PCLO: variants seen among roughly 807,000 people sequenced by gnomAD.
PCLO encodes piccolo presynaptic cytomatrix protein.
A neutral mutation model predicts 427.5 loss-of-function variants in PCLO; 82 were observed. The observed-to-expected ratio is 0.19, with a 90% CI of 0.16 to 0.23. PCLO has a LOEUF of 0.23. Ranked by LOEUF, PCLO falls within the 10% of genes least tolerant of loss-of-function variation. The pLI is 1.00. For missense variants in PCLO, 6,239 were observed against 6,115.9 expected, an observed-to-expected ratio of 1.02 and a Z score of -0.67; for synonymous variants, 2,357 against 2,155.4, an observed-to-expected ratio of 1.09 and a Z score of -2.59.
rs374216871 is a variant in PCLO at position 82,870,331 on chromosome 7, CG to C, written c.13654+9005del. ...TTTCAACAAAGGCACAAAGAATATA[CG>C]CTGGCAAAAGGATAGTCTTTTTAAG... is the stretch of plus-strand genomic sequence containing the variant. On this transcript the variant is annotated intron_variant, in intron 10 of 24. Coordinates refer to ENST00000333891, the MANE Select transcript of PCLO (RefSeq NM_033026.6). Among the ~76,000 whole-genome samples, 579 of 152,000 alleles carry C rather than the reference CG, an allele frequency of 3.8e-3. 7 individuals carry two copies. Among genetic ancestry groups the C allele is most frequent in the African/African-American group, 0.013 (549 of 41,528 alleles).
At chr7:82,852,649 A>C (rs1347229758) in intron 10 of PCLO, among the ~76,000 whole-genome samples, 1 of 152,120 alleles carries the variant, frequency 6.6e-6, no homozygotes, top group African/African-American at 2.4e-5. Context: ...CTCAACTTGC[A>C]GATGGCCTAT....
In PCLO at chr7:82,952,450, G is replaced by A; in HGVS notation, c.8503C>T (p.Pro2835Ser). The part of the protein sequence containing the change: ...QLTTSKHAEP[P>S]YRIPSDQVFP... ...ACCTGGTCACTTGGTATCCTGTATG[G>A]GGGCTCAGCATGCTTTGATGTTGTA... The change falls in exon 5 of 25, where the codon CCA becomes TCA. Residue 2835 changes from proline to serine, a missense_variant. By Grantham distance (74) the Pro-to-Ser change is moderately conservative. Transcript: ENST00000333891. The A allele has an allele frequency of 6.2e-7, 1 of 1,613,832 alleles. No homozygotes were observed. The highest frequency in any genetic ancestry group is 1.3e-5 in the African/African-American group (1 of 75,032).
chr7:82,772,549 A>G (rs998627008), intron 22 of PCLO, among the ~76,000 whole-genome samples: 5 of 152,172 alleles, frequency 3.3e-5, no homozygotes, highest in Non-Finnish European at 5.9e-5. Flanking sequence ...ACCCAGATTC[A>G]ACGAGATATT....
At chr7:83,098,270 C>G (rs1021726159) in intron 3 of PCLO, among the ~76,000 whole-genome samples, 1 of 151,392 alleles carries the variant, frequency 6.6e-6, no homozygotes, top group South Asian at 2.1e-4. Context: ...AAGAAATGCT[C>G]TACTTACAGT....
intron 22 of PCLO, among the ~76,000 whole-genome samples, chr7:82,774,004 C>A (rs573817001): frequency 6.6e-6 from 1 of 152,286 alleles, no homozygotes; most frequent in African/African-American, 2.4e-5. Flanking sequence ...TCCAACATGG[C>A]GATAGCTCTT....
chr7:83,035,185 A>G (rs773229459), intron 3 of PCLO, among the ~76,000 whole-genome samples: 4 of 152,128 alleles, frequency 2.6e-5, no homozygotes, highest in Non-Finnish European at 5.9e-5. Context: ...CTTCATTCCT[A>G]TAAATTGGTT....
At chr7:83,120,018 A>G (rs982891703) in intron 3 of PCLO, among the ~76,000 whole-genome samples, 1 of 152,046 alleles carries the variant, frequency 6.6e-6, no homozygotes, top group Non-Finnish European at 1.5e-5. Context: ...CTAATAAAGC[A>G]TGCCTACAAG....
intron 3 of PCLO, among the ~76,000 whole-genome samples, chr7:83,130,116 A>T (rs1014976320): frequency 1.1e-4 from 17 of 149,454 alleles, no homozygotes; most frequent in African/African-American, 3.9e-4. Context: ...ATTAATGTAG[A>T]TGTCCATTAT....
intron 3 of PCLO, among the ~76,000 whole-genome samples, chr7:83,043,401 G>A (rs1775729159): frequency 6.6e-6 from 1 of 151,986 alleles, no homozygotes; most frequent in South Asian, 2.1e-4. Flanking sequence ...CTAACATATC[G>A]AAGAAATACA....
chr7:83,059,334 A>G lies in PCLO; in HGVS notation c.3300+74916T>C, dbSNP rs1789481416. Among the ~76,000 whole-genome samples, 3 of 132,726 alleles carry G rather than the reference A, an allele frequency of 2.3e-5. No individual in the cohort carries two copies. In the South Asian group the frequency reaches 7.2e-4, roughly 32 times the overall value. 87.1% of individuals were successfully genotyped at this position (132,726 alleles called of 152,430 possible). ...TATATTTATATATTATATATAATAT[A>G]TATTTTATATATACACCTTTAAAAT... On this transcript the variant is annotated intron_variant, in intron 3 of 24. Coordinates refer to ENST00000333891, the MANE Select transcript of PCLO (RefSeq NM_033026.6).
At chr7:82,947,417 TA>T (rs1253458599) in intron 6 of PCLO, among the ~76,000 whole-genome samples, 2 of 151,282 alleles carry the variant, frequency 1.3e-5, no homozygotes, top group African/African-American at 4.9e-5. Context: ...ATTATTTTTT[TA>T]GTATAGTTAA....
chr7:82,775,330 G>A (rs1790727500), intron 22 of PCLO, among the ~76,000 whole-genome samples: 1 of 152,086 alleles, frequency 6.6e-6, no homozygotes. Context: ...TTCCAAAGTG[G>A]CTGTACCATT....
intron 2 of PCLO, among the ~76,000 whole-genome samples, chr7:83,149,150 T>C (rs528016969): frequency 6.6e-6 from 1 of 152,198 alleles, no homozygotes; most frequent in Non-Finnish European, 1.5e-5. Flanking sequence ...AAGGGGTTCC[T>C]CCTGTACCTT....
At chr7:83,135,780 A>G in intron 2 of PCLO, 124 bp from the exon 3 acceptor site, 1 of 579,318 alleles carries the variant, frequency 1.7e-6, no homozygotes, top group Non-Finnish European at 3.0e-6. Context: ...AATATAGAGA[A>G]AATTATTTTA....
chr7:82,758,594 C>G lies in PCLO; in HGVS notation c.15410G>C (p.Ser5137Thr). 6.2e-7 allele frequency: 1 copy of G among 1,611,572 alleles called. No homozygotes were observed. Among genetic ancestry groups the G allele is most frequent in the Non-Finnish European group, 8.5e-7 (1 of 1,178,380 alleles). Residue 5137 changes from serine (S) to threonine (T), a missense_variant, in exon 25 of 25, where the codon AGT (serine) becomes ACT (threonine). Ser to Thr is a moderately conservative substitution (Grantham distance 58, BLOSUM62 1). This residue lies in a region of PCLO where 877 missense variants were observed against 925.5 expected (regional missense o/e 0.95). Coordinates refer to ENST00000333891, the MANE Select transcript of PCLO (RefSeq NM_033026.6). ...RIVNWHKLLV[S>T]PTQTH ...GTTTCTTCAATGCGTTTGAGTAGGA[C>G]TGACCAAAAGTTTGTGCCAGTTGAC...
chr7:82,820,631 A>T (rs989090099), intron 20 of PCLO: 9 of 1,230,146 alleles, frequency 7.3e-6, no homozygotes, highest in Non-Finnish European at 8.1e-6. Context: ...AAGGTAAATG[A>T]GTGCATTAAC....
At chr7:82,957,801 T>C (rs1795562424) in intron 4 of PCLO, among the ~76,000 whole-genome samples, 1 of 152,204 alleles carries the variant, frequency 6.6e-6, no homozygotes, top group African/African-American at 2.4e-5. Context: ...GAAAAGCAGC[T>C]TCCTTAAACA....
chr7:82,775,789 A>G (rs1281433079), intron 22 of PCLO, among the ~76,000 whole-genome samples: 2 of 152,118 alleles, frequency 1.3e-5, no homozygotes, highest in Non-Finnish European at 1.5e-5. Context: ...CAAATTGTCT[A>G]GATTTTCTCC....
intron 22 of PCLO, among the ~76,000 whole-genome samples, chr7:82,782,143 T>C (rs11979335): frequency 1.4e-4 from 22 of 152,182 alleles, no homozygotes; most frequent in African/African-American, 5.3e-4. Context: ...TCTTGGGGAC[T>C]GAGCCCTTGA....
Sources: allele counts gnomAD v4.1 joint callset (sites outside exome capture counted in the v4.1 genomes callset), GRCh38; gene constraint gnomAD v4.1.1; regional missense constraint gnomAD v4.1.1; transcripts MANE v1.5; gene names NCBI Gene and HGNC (gene_info 2026-07-23, HGNC 2026-07-21).